The following RNF216 variants were observed in gnomAD, a reference collection of about 807,000 sequenced individuals.
RNF216 encodes the protein ring finger protein 216.
In RNF216, 72 loss-of-function variants were observed where a neutral mutation model predicts 110.8. The ratio of observed to expected loss-of-function variants is 0.65; its 90% CI spans 0.54 to 0.79. RNF216 has a LOEUF of 0.79. Ranked by LOEUF, RNF216 falls within the 30% of genes least tolerant of loss-of-function variation. The pLI, the probability that RNF216 is intolerant of heterozygous loss-of-function variation, is 0.00. For missense variants in RNF216, 1,342 were observed against 1,141.2 expected, an observed-to-expected ratio of 1.18 and a Z score of -2.54; for synonymous variants, 495 against 407.5, an observed-to-expected ratio of 1.21 and a Z score of -2.59.
chr7:5,772,157 C>T (rs1383296868), intron 1 of RNF216, among the ~76,000 whole-genome samples: 3 of 152,016 alleles, frequency 2.0e-5, no homozygotes, highest in Non-Finnish European at 4.4e-5. Context: ...CGTTTGAACC[C>T]GGGAGGTGGA....
intron 3 of RNF216, 97 bp downstream of exon 3, chr7:5,752,749 A>G: frequency 8.1e-7 from 1 of 1,229,360 alleles, no homozygotes; most frequent in South Asian, 1.4e-5. Flanking sequence ...GAACGAGTAC[A>G]AGAGGTGCTG....
intron 14 of RNF216, among the ~76,000 whole-genome samples, chr7:5,642,862 T>C (rs770296067): frequency 6.6e-6 from 1 of 152,206 alleles, no homozygotes; most frequent in Non-Finnish European, 1.5e-5. Context: ...GCACAAACCT[T>C]CTCTGTAAGA....
chr7:5,745,046 T>C (rs867237944), intron 3 of RNF216, among the ~76,000 whole-genome samples: 2 of 151,480 alleles, frequency 1.3e-5, no homozygotes, highest in Admixed American at 6.6e-5. Flanking sequence ...AAAATAAACA[T>C]GTCAAGGATA....
At chr7:5,722,476 G>GC (rs1163454089) in intron 8 of RNF216, among the ~76,000 whole-genome samples, 2 of 150,034 alleles carry the variant, frequency 1.3e-5, no homozygotes, top group East Asian at 2.0e-4. Flanking sequence ...TGTCAGCTCC[G>GC]CCCCCCGGGG....
intron 15 of RNF216, among the ~76,000 whole-genome samples, chr7:5,635,547 T>C (rs1787347863): frequency 6.6e-6 from 1 of 152,050 alleles, no homozygotes; most frequent in Non-Finnish European, 1.5e-5. Context: ...CCTCCCTAAT[T>C]CCAACAACAT....
intron 13 of RNF216, among the ~76,000 whole-genome samples, chr7:5,677,502 G>A (rs2128602238): frequency 6.6e-6 from 1 of 152,288 alleles, no homozygotes; most frequent in South Asian, 2.1e-4. Flanking sequence ...ATATCGAAAG[G>A]CCACTTATAT....
intron 1 of RNF216, among the ~76,000 whole-genome samples, chr7:5,762,685 C>T (rs1795995959): frequency 6.6e-6 from 1 of 151,628 alleles, no homozygotes; most frequent in Non-Finnish European, 1.5e-5. Context: ...GAGCGAGACT[C>T]TGTCTCGAAA....
chr7:5,633,628 T>C (rs781068791), intron 15 of RNF216, among the ~76,000 whole-genome samples: 1 of 152,164 alleles, frequency 6.6e-6, no homozygotes. Flanking sequence ...GATTGCATTT[T>C]AACAGGGAGG....
At chr7:5,712,210 T>A (rs796809460) in intron 12 of RNF216, among the ~76,000 whole-genome samples, 73 of 152,350 alleles carry the variant, frequency 4.8e-4, no homozygotes, top group African/African-American at 1.7e-3. Flanking sequence ...CTGGGCGCGG[T>A]GGCTCACGCC....
In RNF216 at chr7:5,704,688, G is replaced by C. The variant is rs548555175; in HGVS notation, c.2061+7073C>G. Among the ~76,000 whole-genome samples, 9 of 152,260 alleles carry C rather than the reference G, an allele frequency of 5.9e-5. 1 individual carries two copies. In the South Asian group the frequency reaches 1.9e-3, roughly 32 times the overall value. ...ACTCGTTCCACAGCCCACAAATAAGGACAGAAGATTAGGCATAAACTCTCC... is the reference window on the plus strand; with the variant it reads ...ACTCGTTCCACAGCCCACAAATAAGCACAGAAGATTAGGCATAAACTCTCC... On this transcript the variant is annotated intron_variant, in intron 13 of 16. Transcript: ENST00000389902.
At chr7:5,739,391 T>A (rs763284593) in intron 4 of RNF216, 39 bp from the exon 5 acceptor site, 1 of 1,563,940 alleles carries the variant, frequency 6.4e-7, no homozygotes, top group South Asian at 1.2e-5. Flanking sequence ...TTTCATTCAC[T>A]AGAATGGTTT....
chr7:5,719,819 G>C (rs1392638840), intron 9 of RNF216, among the ~76,000 whole-genome samples: 4 of 152,134 alleles, frequency 2.6e-5, no homozygotes, highest in African/African-American at 7.2e-5. Flanking sequence ...CAAGTAAAAA[G>C]TGGCCAATGC....
intron 13 of RNF216, 72 bp from the exon 14 acceptor site, chr7:5,652,582 G>C (rs1788464333): frequency 1.0e-6 from 1 of 985,954 alleles, no homozygotes; most frequent in African/African-American, 1.6e-5. Context: ...TTCAACAAAA[G>C]GGATATGAAA....
At chr7:5,637,992 CG>C (rs1045348231) in intron 15 of RNF216, among the ~76,000 whole-genome samples, 4 of 152,204 alleles carry the variant, frequency 2.6e-5, no homozygotes, top group Non-Finnish European at 4.4e-5. Flanking sequence ...AGGCCCTCCC[CG>C]CAACAACCTG....
At chr7:5,643,014 G>T (rs926733900) in intron 14 of RNF216, among the ~76,000 whole-genome samples, 3 of 152,082 alleles carry the variant, frequency 2.0e-5, no homozygotes, top group South Asian at 2.1e-4. Flanking sequence ...CTTGGAAAGA[G>T]GGTCTATTTG....
At chr7:5,673,749 C>T (rs1284871749) in intron 13 of RNF216, among the ~76,000 whole-genome samples, 4 of 152,080 alleles carry the variant, frequency 2.6e-5, no homozygotes, top group Admixed American at 2.0e-4. Context: ...CAGTGGTGCG[C>T]ACCTGTAATT....
At position 5,741,665 on chromosome 7, in the gene RNF216, A is replaced by G; in HGVS notation, c.352T>C (p.Leu118=). Residue 118 remains leucine (L), a synonymous_variant, in exon 4 of 17, where the codon TTG becomes CTG. Transcript: ENST00000389902. ...TCATCCTGTGCCCCAGAATCAAACAATGGGTTGTTACACACTGAAAAATAG... is the reference window on the plus strand; with the variant it reads ...TCATCCTGTGCCCCAGAATCAAACAGTGGGTTGTTACACACTGAAAAATAG... The part of the protein sequence containing the change: ...SSYFSVCNNP[L]FDSGAQDDSE... The G allele has an allele frequency of 1.2e-6, 2 of 1,614,132 alleles. No homozygotes were observed. The highest frequency in any genetic ancestry group is 8.5e-7 in the Non-Finnish European group (1 of 1,180,018).
At chr7:5,731,911 G>C (rs965960881) in intron 5 of RNF216, among the ~76,000 whole-genome samples, 2 of 152,134 alleles carry the variant, frequency 1.3e-5, no homozygotes, top group African/African-American at 4.8e-5. Flanking sequence ...GTTTGGAGAG[G>C]TTCATTGATT....
At chr7:5,774,227 C>T (rs920676059) in intron 1 of RNF216, among the ~76,000 whole-genome samples, 1 of 152,150 alleles carries the variant, frequency 6.6e-6, no homozygotes, top group Admixed American at 6.5e-5. Flanking sequence ...ATAAATTGTT[C>T]AATCTCCTAG....
Sources: gnomAD v4.1 joint callset for allele counts (sites outside exome capture counted in the v4.1 genomes callset) on GRCh38, gnomAD v4.1.1 for gene constraint, MANE v1.5 for transcripts, NCBI Gene and HGNC (gene_info 2026-07-23, HGNC 2026-07-21) for gene names.